The following AGBL1 variants were observed in gnomAD, a reference collection of about 807,000 sequenced individuals.
AGBL1 encodes AGBL carboxypeptidase 1, also known as cytosolic carboxypeptidase 4.
In AGBL1, 130 loss-of-function variants were observed where a neutral mutation model predicts 118.9. The ratio of observed to expected loss-of-function variants is 1.09; its 90% CI spans 0.95 to 1.26. AGBL1 has a LOEUF of 1.26. AGBL1 is among the 50% of genes most tolerant of loss of function. The pLI is 0.00. For missense variants in AGBL1, 1,584 were observed against 1,298.1 expected (o/e 1.22, Z -3.38); for synonymous variants, 555 against 478.9 (o/e 1.16, Z -2.08).
At chr15:86,875,409 T>C (rs1376835097) in intron 22 of AGBL1, among the ~76,000 whole-genome samples, 6 of 152,220 alleles carry the variant, frequency 3.9e-5, no homozygotes, top group Non-Finnish European at 4.4e-5. Flanking sequence ...TAATTGGATT[T>C]TTTTTAAAAA....
At chr15:86,389,413 TA>T (rs1167164303) in intron 17 of AGBL1, among the ~76,000 whole-genome samples, 1 of 152,152 alleles carries the variant, frequency 6.6e-6, no homozygotes, top group Non-Finnish European at 1.5e-5. Context: ...GATACGATTT[TA>T]TGCCCAGCAA....
chr15:86,797,639 G>A (rs2078591608), intron 22 of AGBL1, among the ~76,000 whole-genome samples: 1 of 151,328 alleles, frequency 6.6e-6, no homozygotes, highest in African/African-American at 2.5e-5. Context: ...ATATTTCTAT[G>A]GAAGAATGAC....
chr15:86,300,048 G>A (rs1324198436), intron 17 of AGBL1, among the ~76,000 whole-genome samples: 4 of 151,964 alleles, frequency 2.6e-5, no homozygotes, highest in Admixed American at 2.6e-4. Context: ...ATTCCTCTTA[G>A]TAATGAGCTC....
At chr15:86,119,384 T>C (rs1897952874) in intron 1 of AGBL1, among the ~76,000 whole-genome samples, 1 of 152,062 alleles carries the variant, frequency 6.6e-6, no homozygotes, top group African/African-American at 2.4e-5. Context: ...TTCTTGCTAC[T>C]GATGGGCTTC....
At chr15:86,281,493 C>T (rs117341442) in intron 16 of AGBL1, among the ~76,000 whole-genome samples, 725 of 152,296 alleles carry the variant, frequency 4.8e-3, no homozygotes, top group Non-Finnish European at 7.5e-3. Context: ...GGTAAGTGAT[C>T]ATGGATCTAG....
chr15:86,880,395 T>G (rs1031152099), intron 22 of AGBL1, among the ~76,000 whole-genome samples: 26 of 152,184 alleles, frequency 1.7e-4, no homozygotes, highest in African/African-American at 5.8e-4. Flanking sequence ...AGCAAACTTG[T>G]AAACATCTCA....
At chr15:86,452,748 A>G (rs2082211857) in intron 18 of AGBL1, among the ~76,000 whole-genome samples, 1 of 152,016 alleles carries the variant, frequency 6.6e-6, no homozygotes, top group African/African-American at 2.4e-5. Context: ...TTCTGCCCTC[A>G]TCTCCTCACG....
chr15:86,662,835 C>T (rs1044378592), intron 21 of AGBL1, among the ~76,000 whole-genome samples: 3 of 152,268 alleles, frequency 2.0e-5, no homozygotes, highest in Non-Finnish European at 4.4e-5. Context: ...CTAGCCATTC[C>T]GCATGACCAG....
intron 24 of AGBL1, among the ~76,000 whole-genome samples, chr15:86,996,297 A>G (rs2081379753): frequency 6.6e-6 from 1 of 152,100 alleles, no homozygotes; most frequent in African/African-American, 2.4e-5. Context: ...AATTCCAGAA[A>G]CCCATGTCCT....
intron 16 of AGBL1, among the ~76,000 whole-genome samples, chr15:86,280,033 A>C (rs2079324720): frequency 6.6e-6 from 1 of 152,182 alleles, no homozygotes; most frequent in African/African-American, 2.4e-5. Flanking sequence ...AGTGGTCTGC[A>C]AGTTGGGGCA....
intron 1 of AGBL1, among the ~76,000 whole-genome samples, chr15:86,086,068 G>T (rs554926092): frequency 1.3e-5 from 2 of 152,346 alleles, no homozygotes; most frequent in South Asian, 4.1e-4. Flanking sequence ...CATTGCTGGT[G>T]ATATGCTGAG....
At chr15:86,668,524 T>C (rs2085686229) in intron 21 of AGBL1, among the ~76,000 whole-genome samples, 1 of 152,180 alleles carries the variant, frequency 6.6e-6, no homozygotes, top group South Asian at 2.1e-4. Flanking sequence ...AGACGTTTTT[T>C]TGGTATCTTC....
intron 19 of AGBL1, among the ~76,000 whole-genome samples, chr15:86,538,757 C>T (rs2083457144): frequency 6.6e-6 from 1 of 152,194 alleles, no homozygotes; most frequent in African/African-American, 2.4e-5. Flanking sequence ...ATGGAAAGCA[C>T]AGCAGTTTAC....
intron 5 of AGBL1, among the ~76,000 whole-genome samples, chr15:86,175,473 T>C (rs1337725573): frequency 6.6e-6 from 1 of 152,066 alleles, no homozygotes; most frequent in Non-Finnish European, 1.5e-5. Context: ...ATTGATCCTT[T>C]GTATTTTTTT....
At chr15:86,507,709 C>T (rs368038960) in intron 18 of AGBL1, among the ~76,000 whole-genome samples, 1 of 151,936 alleles carries the variant, frequency 6.6e-6, no homozygotes, top group Non-Finnish European at 1.5e-5. Flanking sequence ...AAGAGACTGC[C>T]AGGTAGAATG....
chr15:86,835,752 T>C (rs933807678), intron 22 of AGBL1, among the ~76,000 whole-genome samples: 1 of 152,060 alleles, frequency 6.6e-6, no homozygotes, highest in Admixed American at 6.5e-5. Flanking sequence ...ACGACTATAG[T>C]AGGAGACCTG....
intron 24 of AGBL1, among the ~76,000 whole-genome samples, chr15:87,023,338 G>A (rs117928515): frequency 0.029 from 4,369 of 152,004 alleles, 88 homozygotes; most frequent in Middle Eastern, 0.058. Flanking sequence ...CTATAGTTAT[G>A]TAAGAAAAAA....
At chr15:86,364,151 C>A (rs769276430) in intron 17 of AGBL1, among the ~76,000 whole-genome samples, 2 of 152,052 alleles carry the variant, frequency 1.3e-5, no homozygotes, top group Non-Finnish European at 2.9e-5. Context: ...CTTCAGACGC[C>A]ATCACTTAGC....
chr15:86,893,146 TAGA>T (rs1383878852), intron 22 of AGBL1, among the ~76,000 whole-genome samples: 2 of 152,118 alleles, frequency 1.3e-5, no homozygotes, highest in African/African-American at 4.8e-5. Context: ...TGCGTTTCAT[TAGA>T]AGGAGACATT....
Sources: allele counts gnomAD v4.1 joint callset (sites outside exome capture counted in the v4.1 genomes callset), GRCh38; gene constraint gnomAD v4.1.1; transcripts MANE v1.5; gene names NCBI Gene and HGNC (gene_info 2026-07-23, HGNC 2026-07-21).